Variants in RELCH observed in about 807,000 individuals in gnomAD.
RELCH encodes RAB11-binding protein RELCH.
A neutral mutation model predicts 150.3 loss-of-function variants in RELCH; 41 were observed. The ratio of observed to expected loss-of-function variants is 0.27; its 90% CI spans 0.21 to 0.35. The LOEUF (loss-of-function observed/expected upper bound fraction) is 0.35. Among genes scored for constraint, RELCH ranks in the 10% least tolerant of loss-of-function variants. The pLI is 1.00. For missense variants in RELCH, 1,092 were observed against 1,467.8 expected (o/e 0.74, Z 4.18); for synonymous variants, 478 against 531.8 (o/e 0.90, Z 1.39).
Position 62,275,497 on chromosome 18 carries a change from G to A in RELCH, c.2967+24G>A, listed in dbSNP as rs1463516098. 2.8e-6 allele frequency: 4 copies of A among 1,454,380 alleles called. No individual in the cohort carries two copies. In the Admixed American group the frequency reaches 5.1e-5, roughly 19 times the overall value. The allele number at this position is 1,454,380 out of a possible 1,614,324, so 90.1% of individuals were successfully genotyped here. On this transcript the variant is annotated intron_variant, in intron 22 of 28. Transcript: ENST00000644646. ...AGGTATGTCAACACATGCCTCTGTT[G>A]GTTTCAATTATAATGATTTTTTTTT...
At chr18:62,188,241 A>G (rs2038300231) in intron 1 of RELCH, among the ~76,000 whole-genome samples, 1 of 152,204 alleles carries the variant, frequency 6.6e-6, no homozygotes, top group Non-Finnish European at 1.5e-5. Flanking sequence ...CTGGTGTTGC[A>G]CTTGGCTCCT....
intron 1 of RELCH, among the ~76,000 whole-genome samples, chr18:62,206,045 T>C (rs2039759205): frequency 6.6e-6 from 1 of 152,054 alleles, no homozygotes; most frequent in East Asian, 1.9e-4. Context: ...AACAAAAACT[T>C]GAGTTGATAG....
At chr18:62,253,919 A>G (rs2042860313) in intron 12 of RELCH, among the ~76,000 whole-genome samples, 1 of 151,618 alleles carries the variant, frequency 6.6e-6, no homozygotes, top group African/African-American at 2.4e-5. Context: ...TATTTTTTCC[A>G]TTTTCTTTTG....
Position 62,232,181 on chromosome 18 carries a change from T to C in RELCH, c.1525-151T>C, listed in dbSNP as rs539294027. ...GCTGTTGTTGCTGCTGCTGCTGCTG[T>C]TGTTGTTGTTGTTGTTGTTGTTATC... On this transcript the variant is annotated intron_variant, in intron 9 of 28. Coordinates refer to ENST00000644646, the MANE Select transcript of RELCH (RefSeq NM_001346231.2). 1.5e-3 allele frequency: 672 copies of C among 444,672 alleles called. 1 individual carries two copies. The highest frequency in any genetic ancestry group is 4.5e-3 in the African/African-American group (203 of 45,382). The allele number at this position is 444,672 out of a possible 1,614,324, so 27.5% of individuals were successfully genotyped here. A position where few individuals can be genotyped will look rare whatever the true frequency, so the allele number is the denominator to read the frequency against.
chr18:62,252,594 C>CT (rs933323324), intron 11 of RELCH, 70 bp from the exon 12 acceptor site: 1 of 1,117,774 alleles, frequency 8.9e-7, no homozygotes, highest in Non-Finnish European at 1.4e-6. Context: ...AGAGATGAGA[C>CT]TTTTTTAACC....
At chr18:62,198,286 G>T (rs780785330) in intron 1 of RELCH, among the ~76,000 whole-genome samples, 44 of 152,128 alleles carry the variant, frequency 2.9e-4, no homozygotes, top group Non-Finnish European at 4.9e-4. Context: ...AAACTAACAA[G>T]GCCAAATTAG....
At chr18:62,191,855 T>C (rs974647918) in intron 1 of RELCH, among the ~76,000 whole-genome samples, 1 of 152,222 alleles carries the variant, frequency 6.6e-6, no homozygotes, top group Non-Finnish European at 1.5e-5. Context: ...GCAATGAAGA[T>C]ACACATGCCT....
At position 62,282,407 on chromosome 18, in the gene RELCH, A is replaced by C. The variant is rs748894139; in HGVS notation, c.3216A>C (p.Arg1072Ser). The C allele has an allele frequency of 2.5e-6, 4 of 1,612,956 alleles. No homozygotes were observed. The highest frequency in any genetic ancestry group is 3.4e-6 in the Non-Finnish European group (4 of 1,179,616). Residue 1072 changes from arginine (R) to serine (S), a missense_variant, in exon 25 of 29, where the codon AGA becomes AGC. Physicochemically the swap from Arg to Ser is moderately radical, Grantham distance 110. Around this residue, in one of 4 missense-constraint regions of RELCH, gnomAD observed 707 missense variants for 1,025.4 expected, o/e 0.69. Transcript: ENST00000644646. ...LHTEIIKTFG[R>S]VGPNAEPRFR... is the part of the protein sequence containing the mutation. ...CAGAGATCATAAAAACATTTGGTAG[A>C]GTTGGCCCTAACGCAGAACCCAGGT... is the stretch of plus-strand genomic sequence containing the variant.
At chr18:62,234,807 G>A (rs2148450745) in intron 10 of RELCH, 1 of 151,840 alleles carries the variant, frequency 6.6e-6, no homozygotes, top group East Asian at 1.9e-4. Context: ...AGTTGTAAGA[G>A]TTTTTTTATA....
chr18:62,265,855 T>C (rs979994418), intron 18 of RELCH, among the ~76,000 whole-genome samples: 4 of 152,030 alleles, frequency 2.6e-5, no homozygotes, highest in African/African-American at 4.8e-5. Context: ...AAGCTAAATA[T>C]ATAAATTAAT....
chr18:62,301,048 T>C (rs1600299151), intron 28 of RELCH: 1 of 152,182 alleles, frequency 6.6e-6, no homozygotes, highest in East Asian at 1.9e-4. Flanking sequence ...ACTAAAACAA[T>C]GCCTGCAAAT....
chr18:62,227,904 C>A (rs1046641274), intron 7 of RELCH, among the ~76,000 whole-genome samples: 2 of 152,010 alleles, frequency 1.3e-5, no homozygotes, highest in Non-Finnish European at 2.9e-5. Flanking sequence ...GGTGATCTTA[C>A]AATCAATTAT....
intron 1 of RELCH, 55 bp downstream of exon 1, chr18:62,188,086 T>TA: frequency 6.8e-7 from 1 of 1,471,692 alleles, no homozygotes; most frequent in Non-Finnish European, 9.0e-7. Context: ...TGTACGGAGT[T>TA]ACTGTAGGGG....
rs139480966 is a variant in RELCH, at chr18:62,291,596, C to T, written c.3424C>T (p.Arg1142Trp). 48 of 1,609,002 alleles carry T rather than the reference C, an allele frequency of 3.0e-5. No individual in the cohort carries two copies. Among genetic ancestry groups the T allele is most frequent in the Non-Finnish European group, 3.7e-5 (43 of 1,177,352 alleles). The part of the protein sequence containing the change: ...NHFLPGLRCL[R>W]TDMEHLSPEH... Reference sequence around the variant, plus strand: ...CTTTTTACCTGGTCTCAGATGTTTACGGACTGACATGGAACATCTCTCTCC... The same window carrying T: ...CTTTTTACCTGGTCTCAGATGTTTATGGACTGACATGGAACATCTCTCTCC... The change falls in exon 27 of 29, where the codon CGG becomes TGG. Residue 1142 changes from arginine to tryptophan, a missense_variant. By Grantham distance (101) the Arg-to-Trp change is moderately radical. This residue lies in a region of RELCH where 707 missense variants were observed against 1,025.4 expected (regional missense o/e 0.69). Coordinates refer to ENST00000644646, the MANE Select transcript of RELCH (RefSeq NM_001346231.2).
At chr18:62,232,192 G>GTTGTTT in intron 9 of RELCH, 140 bp from the exon 10 acceptor site, 1 of 592,542 alleles carries the variant, frequency 1.7e-6, no homozygotes. Context: ...TGTTGTTGTT[G>GTTGTTT]TTGTTGTTGT....
intron 1 of RELCH, among the ~76,000 whole-genome samples, chr18:62,188,533 G>A (rs759311594): frequency 1.8e-4 from 28 of 152,128 alleles, no homozygotes; most frequent in Non-Finnish European, 3.1e-4. Flanking sequence ...CTTTTTCACC[G>A]CCAAAATTGG....
intron 10 of RELCH, among the ~76,000 whole-genome samples, chr18:62,236,728 C>T (rs547371770): frequency 2.6e-5 from 4 of 151,890 alleles, no homozygotes; most frequent in Admixed American, 2.0e-4. Flanking sequence ...TCTAGCTAAA[C>T]GTTTGTCAAT....
chr18:62,284,922 G>A (rs1331062873), intron 25 of RELCH, among the ~76,000 whole-genome samples: 1 of 150,916 alleles, frequency 6.6e-6, no homozygotes, highest in East Asian at 2.0e-4. Flanking sequence ...TACTTAGTAA[G>A]ACTCTCTGAA....
In RELCH at chr18:62,261,469, C is replaced by T. The variant is rs147506371; in HGVS notation, c.2203-42C>T. ...TACATAAATCCAATTAGCAATGTAACTTCAAAAGACTAAAATTAGCTTCCA... is the reference window on the plus strand; with the variant it reads ...TACATAAATCCAATTAGCAATGTAATTTCAAAAGACTAAAATTAGCTTCCA... On this transcript the variant is annotated intron_variant, in intron 15 of 28. Coordinates refer to ENST00000644646, the MANE Select transcript of RELCH (RefSeq NM_001346231.2). 168 of 1,590,588 alleles carry T rather than the reference C, an allele frequency of 1.1e-4. No homozygotes were observed. The African/African-American group carries it at 2.1e-3, about 20-fold the overall frequency.
Sources: allele counts gnomAD v4.1 joint callset (sites outside exome capture counted in the v4.1 genomes callset), GRCh38; gene constraint gnomAD v4.1.1; regional missense constraint gnomAD v4.1.1; transcripts MANE v1.5; gene names NCBI Gene and HGNC (gene_info 2026-07-23, HGNC 2026-07-21).